ARHGAP15: variants seen among roughly 807,000 people sequenced by gnomAD.
The protein encoded by ARHGAP15 is Rho GTPase activating protein 15, also known as rho GTPase-activating protein 15.
ARHGAP15 carries 51 observed loss-of-function variants against 63.7 expected under a neutral mutation model. The observed-to-expected ratio is 0.80, with a 90% CI of 0.64 to 1.01. The LOEUF (loss-of-function observed/expected upper bound fraction) is 1.01. Ranked by LOEUF, ARHGAP15 falls within the 50% of genes least tolerant of loss-of-function variation. The pLI is 0.00. For synonymous variants in ARHGAP15, 191 were observed against 193.8 expected (o/e 0.99, Z 0.12); for missense variants, 560 against 564.6 (o/e 0.99, Z 0.08).
chr2:143,320,219 T>G (rs146651316), intron 6 of ARHGAP15, among the ~76,000 whole-genome samples: 1 of 152,250 alleles, frequency 6.6e-6, no homozygotes, highest in African/African-American at 2.4e-5. Context: ...AATTCTGTCT[T>G]CCCATATTTT....
At chr2:143,164,335 AT>A (rs200400728) in intron 2 of ARHGAP15, among the ~76,000 whole-genome samples, 3 of 151,906 alleles carry the variant, frequency 2.0e-5, no homozygotes, top group South Asian at 2.1e-4. Context: ...AGGCAAATAC[AT>A]TTTTTTTACA....
At chr2:143,747,677 T>C (rs1235314959) in intron 13 of ARHGAP15, among the ~76,000 whole-genome samples, 1 of 152,222 alleles carries the variant, frequency 6.6e-6, no homozygotes, top group East Asian at 1.9e-4. Flanking sequence ...CGATATGCAT[T>C]TAAGATTCTT....
At chr2:143,330,243 A>G (rs1395371036) in intron 6 of ARHGAP15, among the ~76,000 whole-genome samples, 2 of 151,450 alleles carry the variant, frequency 1.3e-5, no homozygotes, top group Admixed American at 6.6e-5. Flanking sequence ...TTAAGTGAAA[A>G]TTGGCCTAAG....
intron 13 of ARHGAP15, among the ~76,000 whole-genome samples, chr2:143,765,460 A>T (rs966680087): frequency 3.0e-4 from 45 of 152,248 alleles, no homozygotes; most frequent in Admixed American, 1.2e-3. Flanking sequence ...GATAACTCAC[A>T]CTCTAAAAAT....
chr2:143,397,654 A>C (rs1032891666), intron 6 of ARHGAP15, among the ~76,000 whole-genome samples: 8 of 152,110 alleles, frequency 5.3e-5, no homozygotes, highest in Non-Finnish European at 8.8e-5. Flanking sequence ...GCAATTTAAC[A>C]AAACCTAACA....
chr2:143,729,478 G>T (rs1685433386), intron 13 of ARHGAP15, among the ~76,000 whole-genome samples: 1 of 152,118 alleles, frequency 6.6e-6, no homozygotes, highest in African/African-American at 2.4e-5. Context: ...ATTCACTTTT[G>T]TTTTCCAAGT....
At chr2:143,356,036 G>A (rs1685794525) in intron 6 of ARHGAP15, among the ~76,000 whole-genome samples, 1 of 151,576 alleles carries the variant, frequency 6.6e-6, no homozygotes, top group Non-Finnish European at 1.5e-5. Context: ...ATTAGGTACT[G>A]CATCTTCATC....
At chr2:143,519,843 A>T (rs796684582) in intron 10 of ARHGAP15, among the ~76,000 whole-genome samples, 8 of 152,292 alleles carry the variant, frequency 5.3e-5, no homozygotes, top group African/African-American at 1.9e-4. Context: ...TTTTTCAGGA[A>T]CAATTAAAAG....
intron 6 of ARHGAP15, among the ~76,000 whole-genome samples, chr2:143,336,389 C>G (rs763784095): frequency 3.3e-5 from 5 of 152,108 alleles, no homozygotes; most frequent in African/African-American, 1.2e-4. Flanking sequence ...TGTATAAGAA[C>G]ATGACCAGTT....
intron 2 of ARHGAP15, among the ~76,000 whole-genome samples, chr2:143,199,114 TA>T: frequency 6.6e-6 from 1 of 152,264 alleles, no homozygotes; most frequent in East Asian, 1.9e-4. Flanking sequence ...ACCAAATGCA[TA>T]TATTCTTTCA....
chr2:143,326,384 CA>C (rs1349206380), intron 6 of ARHGAP15, among the ~76,000 whole-genome samples: 2 of 152,032 alleles, frequency 1.3e-5, no homozygotes, highest in African/African-American at 2.4e-5. Context: ...AATAACTTAC[CA>C]AAAGTCACAC....
At chr2:143,484,317 G>T (rs1370890697) in intron 8 of ARHGAP15, among the ~76,000 whole-genome samples, 2 of 147,888 alleles carry the variant, frequency 1.4e-5, no homozygotes, top group African/African-American at 5.1e-5. Flanking sequence ...AGTGAGCCGA[G>T]ATCGCACCAC....
chr2:143,179,882 A>C (rs1691163610), intron 2 of ARHGAP15, among the ~76,000 whole-genome samples: 1 of 122,630 alleles, frequency 8.2e-6, no homozygotes, highest in African/African-American at 3.0e-5. Flanking sequence ...ATAAAGTGAG[A>C]CATTGTCTCA....
At chr2:143,258,151 T>G in intron 6 of ARHGAP15, among the ~76,000 whole-genome samples, 1 of 152,040 alleles carries the variant, frequency 6.6e-6, no homozygotes, top group African/African-American at 2.4e-5. Flanking sequence ...AATTGAGTGC[T>G]TTTGGATAGC....
chr2:143,416,305 AAT>A (rs1688676319), intron 6 of ARHGAP15, among the ~76,000 whole-genome samples: 1 of 152,176 alleles, frequency 6.6e-6, no homozygotes. Context: ...CATATAAAAT[AAT>A]AGTCTGTATT....
At chr2:143,388,216 A>G (rs1687382589) in intron 6 of ARHGAP15, among the ~76,000 whole-genome samples, 1 of 152,208 alleles carries the variant, frequency 6.6e-6, no homozygotes, top group African/African-American at 2.4e-5. Flanking sequence ...ATATTACATG[A>G]ACTTATGAAA....
At chr2:143,300,598 G>A (rs1340178069) in intron 6 of ARHGAP15, among the ~76,000 whole-genome samples, 1 of 151,998 alleles carries the variant, frequency 6.6e-6, no homozygotes, top group East Asian at 1.9e-4. Context: ...GTGATTCAGG[G>A]ACCCTGGTAC....
chr2:143,682,648 C>G lies in ARHGAP15; in HGVS notation c.1139-20771C>G, dbSNP rs978404351. ...AAAAGCTTTGCTCCAGGATATCTTC[C>G]AAGTCTGGTGCTGGTGTTTCAGTAC... On this transcript the variant is annotated intron_variant, in intron 12 of 13. Coordinates refer to ENST00000295095, the MANE Select transcript of ARHGAP15 (RefSeq NM_018460.4). 2.0e-5 allele frequency: 3 copies of G among 152,174 alleles called. 1 individual carries two copies. The South Asian group carries it at 6.2e-4, about 32-fold the overall frequency. 9.4% of individuals were successfully genotyped at this position (152,174 alleles called of 1,614,324 possible).
At chr2:143,492,172 G>A (rs115978779) in intron 9 of ARHGAP15, among the ~76,000 whole-genome samples, 2,626 of 152,134 alleles carry the variant, frequency 0.017, 78 homozygotes, top group African/African-American at 0.06. Context: ...GTGAGCCACC[G>A]CGCCTGGCCC....
Sources: allele counts gnomAD v4.1 joint callset (sites outside exome capture counted in the v4.1 genomes callset), GRCh38; gene constraint gnomAD v4.1.1; transcripts MANE v1.5; gene names NCBI Gene and HGNC (gene_info 2026-07-23, HGNC 2026-07-21).